Variants in CDH7 observed in about 807,000 individuals in gnomAD.
CDH7 encodes the protein cadherin 7, also known as cadherin-7.
CDH7 carries 25 observed loss-of-function variants against 71.8 expected under a neutral mutation model. That is an observed-to-expected ratio of 0.35 (90% CI 0.25 to 0.49). The LOEUF is 0.49. Among genes scored for constraint, CDH7 ranks in the 20% least tolerant of loss-of-function variants. The probability of loss-of-function intolerance (pLI) is 0.99; values close to 1 mark genes in which losing one functional copy is unlikely to be tolerated. For missense variants in CDH7, 862 were observed against 974.6 expected (o/e 0.88, Z 1.54); for synonymous variants, 381 against 363.8 (o/e 1.05, Z -0.54).
intron 2 of CDH7, among the ~76,000 whole-genome samples, chr18:65,790,632 G>A (rs1910680246): frequency 6.6e-6 from 1 of 152,120 alleles, no homozygotes; most frequent in Non-Finnish European, 1.5e-5. Context: ...ACTTTGGGAG[G>A]CCAAGGCGGG....
chr18:65,758,427 A>G (rs963823463), intron 1 of CDH7, among the ~76,000 whole-genome samples: 5 of 152,218 alleles, frequency 3.3e-5, no homozygotes, highest in African/African-American at 1.2e-4. Flanking sequence ...TATAGAGGGC[A>G]TATGTTCCTG....
intron 10 of CDH7, among the ~76,000 whole-genome samples, chr18:65,862,380 G>A (rs150922076): frequency 5.6e-4 from 86 of 152,232 alleles, no homozygotes; most frequent in African/African-American, 2.0e-3. Flanking sequence ...TTTTTATAAA[G>A]TTGCAATTAA....
chr18:65,837,382 ACC>A (rs1858059510), intron 6 of CDH7, among the ~76,000 whole-genome samples: 1 of 152,150 alleles, frequency 6.6e-6, no homozygotes. Flanking sequence ...ATTGGCTTTA[ACC>A]AATAGGAAAG....
rs541924106 is a variant in CDH7 at position 65,801,450 on chromosome 18, A to T, written c.211-8254A>T. ...GATGCTAGAAAGGATGAACTAGACA[A>T]ATACTAAACACCCAAGAGAGAATCA... On this transcript the variant is annotated intron_variant, in intron 2 of 11. Transcript: ENST00000397968. Among the ~76,000 whole-genome samples, 5 of 152,336 alleles carry T rather than the reference A, an allele frequency of 3.3e-5. No individual in the cohort carries two copies. In the East Asian group the frequency reaches 9.6e-4, roughly 29 times the overall value.
At chr18:65,835,132 G>A (rs1255876075) in intron 6 of CDH7, among the ~76,000 whole-genome samples, 3 of 152,148 alleles carry the variant, frequency 2.0e-5, no homozygotes, top group Non-Finnish European at 2.9e-5. Flanking sequence ...CATCCCATGG[G>A]CTACCTGGGC....
At chr18:65,832,295 CT>C (rs1466059675) in intron 6 of CDH7, among the ~76,000 whole-genome samples, 2 of 151,762 alleles carry the variant, frequency 1.3e-5, no homozygotes, top group Non-Finnish European at 2.9e-5. Context: ...ATGTATTATA[CT>C]TGGCATAGAA....
At chr18:65,874,824 A>C (rs1914028832) in intron 11 of CDH7, among the ~76,000 whole-genome samples, 1 of 152,140 alleles carries the variant, frequency 6.6e-6, no homozygotes, top group Non-Finnish European at 1.5e-5. Context: ...TGACATCGGC[A>C]GAATTCTGCT....
chr18:65,765,830 C>A (rs1916345213), intron 2 of CDH7, among the ~76,000 whole-genome samples: 1 of 151,966 alleles, frequency 6.6e-6, no homozygotes. Flanking sequence ...AACTTGGGGG[C>A]AAATTGCCTA....
chr18:65,763,060 ATT>A lies in CDH7; in HGVS notation c.210+9_210+10del, dbSNP rs757840823. On this transcript the variant is annotated intron_variant, in intron 2 of 11. Coordinates refer to ENST00000397968, the MANE Select transcript of CDH7 (RefSeq NM_004361.5). ...CCCCTCTATGTAGGAAAGGTAGGGT[ATT>A]GTGACCTTTCAAAGTTGTAAATGAT... The A allele has an allele frequency of 3.2e-6, 5 of 1,572,226 alleles. No homozygotes were observed. The South Asian group carries it at 3.5e-5, about 11-fold the overall frequency.
At chr18:65,821,419 AG>A (rs1311253478) in intron 4 of CDH7, among the ~76,000 whole-genome samples, 1 of 152,176 alleles carries the variant, frequency 6.6e-6, no homozygotes, top group Admixed American at 6.5e-5. Context: ...GACACACATA[AG>A]GATTCATTGA....
At chr18:65,874,842 G>C (rs1347340858) in intron 11 of CDH7, among the ~76,000 whole-genome samples, 1 of 151,734 alleles carries the variant, frequency 6.6e-6, no homozygotes, top group African/African-American at 2.4e-5. Flanking sequence ...GCTATTTCTG[G>C]GTGCCAAAAC....
chr18:65,761,710 A>C (rs1266201685), intron 1 of CDH7, among the ~76,000 whole-genome samples: 1 of 152,124 alleles, frequency 6.6e-6, no homozygotes, highest in Non-Finnish European at 1.5e-5. Context: ...TATGTTCGAA[A>C]GTTTGTTTTG....
chr18:65,853,511 T>C (rs1216509632), intron 7 of CDH7, among the ~76,000 whole-genome samples: 1 of 152,122 alleles, frequency 6.6e-6, no homozygotes, highest in Non-Finnish European at 1.5e-5. Context: ...ACTTTATACA[T>C]TAGCTAATGC....
intron 4 of CDH7, among the ~76,000 whole-genome samples, chr18:65,817,618 G>A (rs1370755832): frequency 6.6e-6 from 1 of 152,124 alleles, no homozygotes. Context: ...AAAACAAAAT[G>A]AGCATCCAAA....
At chr18:65,789,476 T>G (rs1404724924) in intron 2 of CDH7, among the ~76,000 whole-genome samples, 1 of 57,256 alleles carries the variant, frequency 1.7e-5, no homozygotes, top group East Asian at 4.1e-4. Context: ...TTTTTGTTTG[T>G]TTTTTTTTGT....
chr18:65,817,785 G>T (rs1302893042), intron 4 of CDH7, among the ~76,000 whole-genome samples: 1 of 152,026 alleles, frequency 6.6e-6, no homozygotes, highest in African/African-American at 2.4e-5. Flanking sequence ...TGATTTTATT[G>T]CCTATTATAT....
chr18:65,863,670 T>C (rs1375700507), intron 11 of CDH7: 1 of 152,218 alleles, frequency 6.6e-6, no homozygotes, highest in Non-Finnish European at 1.5e-5. Flanking sequence ...TATTTGCAAA[T>C]TTGAAATGAT....
chr18:65,814,516 T>C lies in CDH7; in HGVS notation c.537T>C (p.Asp179=). Residue 179 remains aspartate, a synonymous_variant, in exon 4 of 12, where the codon GAT becomes GAC. Coordinates refer to ENST00000397968, the MANE Select transcript of CDH7 (RefSeq NM_004361.5). ...CAGTGGTACAAGTGACAGCGACGGA[T>C]GCTGATGATCCTACATATGGCAACA... is the stretch of plus-strand genomic sequence containing the variant. ...GTSVVQVTAT[D]ADDPTYGNSA... 6.2e-7 allele frequency: 1 copy of C among 1,613,948 alleles called. No individual in the cohort carries two copies. The highest frequency in any genetic ancestry group is 8.5e-7 in the Non-Finnish European group (1 of 1,179,884).
At chr18:65,803,221 T>G (rs1258378681) in intron 2 of CDH7, 2 of 152,166 alleles carry the variant, frequency 1.3e-5, no homozygotes, top group African/African-American at 4.8e-5. Flanking sequence ...TTCTTTGCAT[T>G]GACCTTCCAA....
Sources: gnomAD v4.1 joint callset for allele counts (sites outside exome capture counted in the v4.1 genomes callset) on GRCh38, gnomAD v4.1.1 for gene constraint, MANE v1.5 for transcripts, NCBI Gene and HGNC (gene_info 2026-07-23, HGNC 2026-07-21) for gene names.